SNX29: variants seen among roughly 807,000 people sequenced by gnomAD.
SNX29 encodes the protein sorting nexin 29.
In SNX29, 78 loss-of-function variants were observed where a neutral mutation model predicts 102.1. The ratio of observed to expected loss-of-function variants is 0.76; its 90% CI spans 0.64 to 0.92. SNX29 has a LOEUF of 0.92. Ranked by LOEUF, SNX29 falls within the 40% of genes least tolerant of loss-of-function variation. SNX29 has a pLI of 0.00. For missense variants in SNX29, 1,280 were observed against 1,061.7 expected (o/e 1.21, Z -2.86); for synonymous variants, 580 against 414.5 (o/e 1.40, Z -4.85).
chr16:12,093,572 C>T (rs548152050), intron 11 of SNX29: 12 of 152,324 alleles, frequency 7.9e-5, no homozygotes, highest in African/African-American at 2.4e-4. Context: ...CTTGATCGCA[C>T]CACAGCCTGG....
At chr16:12,292,925 C>A (rs567592802) in intron 15 of SNX29, among the ~76,000 whole-genome samples, 1 of 152,054 alleles carries the variant, frequency 6.6e-6, no homozygotes, top group South Asian at 2.1e-4. Flanking sequence ...TTGCTAACGT[C>A]CAGCTGAGGA....
Position 12,024,790 on chromosome 16 carries a change from G to A in SNX29, c.123-2530G>A, listed in dbSNP as rs189834344. Among the ~76,000 whole-genome samples the A allele has an allele frequency of 8.5e-4, 130 of 152,304 alleles. 1 individual carries two copies. The highest frequency in any genetic ancestry group is 2.9e-3 in the South Asian group (14 of 4,824). On this transcript the variant is annotated intron_variant, in intron 3 of 20. Coordinates refer to ENST00000566228, the MANE Select transcript of SNX29 (RefSeq NM_032167.5). ...GCAAACTAATAGCAATTGTTGAGTT[G>A]ATTGCTGTATTTGCAGAAGATTCTT...
In SNX29 at chr16:12,572,066, C is replaced by G. The variant is rs2079199617; in HGVS notation, c.*3437C>G. ...AGTTGTAAACAAGGGAACCATCTTG[C>G]AAGATCTAGGAAGAGGAAGGGGAGG... On this transcript the variant is annotated 3_prime_UTR_variant, in exon 21 of 21. Coordinates refer to ENST00000566228, the MANE Select transcript of SNX29 (RefSeq NM_032167.5). 6.6e-6 allele frequency: 7 copies of G among 1,063,452 alleles called. No individual in the cohort carries two copies. Among genetic ancestry groups the G allele is most frequent in the Non-Finnish European group, 8.0e-6 (7 of 878,106 alleles). 65.9% of individuals were successfully genotyped at this position (1,063,452 alleles called of 1,614,324 possible). A position where few individuals can be genotyped will look rare whatever the true frequency, so the allele number is the denominator to read the frequency against.
intron 20 of SNX29, among the ~76,000 whole-genome samples, chr16:12,543,987 C>T (rs72638278): frequency 0.075 from 11,369 of 152,272 alleles, 552 homozygotes; most frequent in East Asian, 0.19. Flanking sequence ...GCCAAGGTCA[C>T]ACCATGGGTT....
intron 14 of SNX29, among the ~76,000 whole-genome samples, chr16:12,218,766 T>C (rs2077392387): frequency 6.6e-6 from 1 of 152,158 alleles, no homozygotes; most frequent in African/African-American, 2.4e-5. Context: ...TTCCAGGTTT[T>C]TATTTATTAT....
intron 20 of SNX29, among the ~76,000 whole-genome samples, chr16:12,559,453 A>G (rs1256062407): frequency 1.3e-5 from 2 of 151,608 alleles, no homozygotes; most frequent in African/African-American, 2.4e-5. Context: ...ATGATTCTAC[A>G]TTATGGTGAG....
At chr16:12,532,459 A>G (rs1336356203) in intron 20 of SNX29, among the ~76,000 whole-genome samples, 1 of 152,198 alleles carries the variant, frequency 6.6e-6, no homozygotes, top group Non-Finnish European at 1.5e-5. Context: ...AATATTATTA[A>G]GCAAACAGTT....
intron 20 of SNX29, among the ~76,000 whole-genome samples, chr16:12,563,388 A>C (rs8062280): frequency 1.3e-5 from 2 of 152,188 alleles, no homozygotes; most frequent in Non-Finnish European, 2.9e-5. Context: ...TTTTACCCGT[A>C]ACCATGAAAA....
intron 13 of SNX29, among the ~76,000 whole-genome samples, chr16:12,145,883 T>C (rs910325282): frequency 2.0e-5 from 3 of 152,272 alleles, no homozygotes; most frequent in Admixed American, 6.5e-5. Flanking sequence ...TATGAACTTG[T>C]ATTTTTATAA....
chr16:12,123,596 CA>C (rs1337018594), intron 11 of SNX29, among the ~76,000 whole-genome samples: 11 of 152,114 alleles, frequency 7.2e-5, no homozygotes, highest in Admixed American at 7.2e-4. Flanking sequence ...GAGTCTGAGG[CA>C]GCAGTGGCCC....
chr16:12,465,944 A>G (rs2087031420), intron 18 of SNX29, among the ~76,000 whole-genome samples: 1 of 152,112 alleles, frequency 6.6e-6, no homozygotes, highest in Non-Finnish European at 1.5e-5. Flanking sequence ...GACAAAATTC[A>G]ACATCCTTTC....
chr16:12,058,583 T>G (rs1402217222), intron 8 of SNX29, among the ~76,000 whole-genome samples: 1 of 135,758 alleles, frequency 7.4e-6, no homozygotes, highest in Non-Finnish European at 1.5e-5. Flanking sequence ...AACCTCCGCC[T>G]CTCGAGTTCA....
chr16:12,513,324 C>T (rs940204883), intron 19 of SNX29, among the ~76,000 whole-genome samples: 98 of 144,200 alleles, frequency 6.8e-4, no homozygotes, highest in African/African-American at 2.5e-3. Context: ...TCTCTCCCTT[C>T]CCCTGCCTGC....
chr16:12,170,681 T>G (rs908349479), intron 13 of SNX29, among the ~76,000 whole-genome samples: 28 of 151,692 alleles, frequency 1.8e-4, no homozygotes, highest in African/African-American at 6.8e-4. Context: ...TTTAAGTGGC[T>G]GAGTGGGTGG....
chr16:12,061,252 C>G (rs1267452564), intron 8 of SNX29, among the ~76,000 whole-genome samples: 3 of 152,224 alleles, frequency 2.0e-5, no homozygotes, highest in Non-Finnish European at 4.4e-5. Context: ...CAGGCTCCCT[C>G]AGGGCAGGAT....
intron 16 of SNX29, among the ~76,000 whole-genome samples, chr16:12,385,973 G>A (rs765609570): frequency 5.7e-4 from 87 of 152,330 alleles, no homozygotes; most frequent in Middle Eastern, 3.4e-3. Context: ...AGCAGAAGAC[G>A]ATGTCTGCGA....
At chr16:12,555,096 C>T (rs2078245425) in intron 20 of SNX29, among the ~76,000 whole-genome samples, 1 of 148,258 alleles carries the variant, frequency 6.7e-6, no homozygotes, top group Admixed American at 6.8e-5. Flanking sequence ...GTGAAAGGGC[C>T]AATCAGGGAC....
chr16:12,517,146 C>T (rs1004146737), intron 19 of SNX29, among the ~76,000 whole-genome samples: 4 of 152,286 alleles, frequency 2.6e-5, no homozygotes, highest in Admixed American at 1.3e-4. Context: ...AGCAGAGCCA[C>T]GGGTGGGTGG....
intron 19 of SNX29, among the ~76,000 whole-genome samples, chr16:12,489,451 G>A (rs1392195326): frequency 6.6e-6 from 1 of 152,192 alleles, no homozygotes; most frequent in East Asian, 1.9e-4. Context: ...GCAACACAGG[G>A]AAAGAGCTTG....
Sources: gnomAD v4.1 joint callset for allele counts (sites outside exome capture counted in the v4.1 genomes callset) on GRCh38, gnomAD v4.1.1 for gene constraint, MANE v1.5 for transcripts, NCBI Gene and HGNC (gene_info 2026-07-23, HGNC 2026-07-21) for gene names.